Variants in SCNN1B observed in about 807,000 individuals in gnomAD.
The protein encoded by SCNN1B is epithelial sodium channel subunit beta.
In SCNN1B, 46 loss-of-function variants were observed where a neutral mutation model predicts 65.3. The ratio of observed to expected loss-of-function variants is 0.70; its 90% CI spans 0.56 to 0.90. SCNN1B has a LOEUF of 0.90. Ranked by LOEUF, SCNN1B falls within the 40% of genes least tolerant of loss-of-function variation. The pLI is 0.00. For missense variants in SCNN1B, 751 were observed against 830.5 expected (o/e 0.90, Z 1.18); for synonymous variants, 349 against 330.6 (o/e 1.06, Z -0.60).
chr16:23,371,233 G>T, intron 5 of SCNN1B, 66 bp from the exon 6 acceptor site: 2 of 1,573,278 alleles, frequency 1.3e-6, no homozygotes, highest in Non-Finnish European at 8.7e-7. Context: ...TGGAGAAGTG[G>T]GTAGTGGGGT....
At chr16:23,379,592 C>T (rs185606714) in intron 11 of SCNN1B, among the ~76,000 whole-genome samples, 8 of 152,258 alleles carry the variant, frequency 5.3e-5, no homozygotes, top group Admixed American at 2.0e-4. Flanking sequence ...GGAGGGGATG[C>T]CCACACAGCC....
chr16:23,321,578 G>A (rs1351655461), intron 1 of SCNN1B, among the ~76,000 whole-genome samples: 1 of 152,174 alleles, frequency 6.6e-6, no homozygotes, highest in Non-Finnish European at 1.5e-5. Context: ...CTGCTCTCCA[G>A]CAGAGTGACC....
intron 1 of SCNN1B, among the ~76,000 whole-genome samples, chr16:23,342,061 C>T (rs540352163): frequency 1.3e-5 from 2 of 152,306 alleles, no homozygotes; most frequent in South Asian, 4.1e-4. Context: ...ATTATCATAA[C>T]AGCCAAAAAG....
chr16:23,357,825 C>T lies in SCNN1B; in HGVS notation c.776+2336C>T, dbSNP rs371934901. On this transcript the variant is annotated intron_variant, in intron 4 of 12. Coordinates refer to ENST00000343070, the MANE Select transcript of SCNN1B (RefSeq NM_000336.3). ...TGTGTTTCAGCCTCACTGTCTTGGC[C>T]AGGGTCCTTTGCTCAGGGCACACCC... 2.4e-4 allele frequency among the ~76,000 whole-genome samples: 36 copies of T among 152,294 alleles called. 1 individual carries two copies. The East Asian group carries it at 4.1e-3, about 17-fold the overall frequency.
intron 1 of SCNN1B, among the ~76,000 whole-genome samples, chr16:23,281,434 A>G (rs1960782587): frequency 6.6e-6 from 1 of 152,128 alleles, no homozygotes; most frequent in East Asian, 1.9e-4. Context: ...CTCTGTCTCA[A>G]AACAAATAAA....
chr16:23,336,582 G>A (rs181079738), intron 1 of SCNN1B, among the ~76,000 whole-genome samples: 18 of 152,156 alleles, frequency 1.2e-4, no homozygotes, highest in African/African-American at 4.3e-4. Flanking sequence ...ATGTTGGCCA[G>A]GATGGTCTCG....
At chr16:23,340,537 T>A (rs1044623883) in intron 1 of SCNN1B, among the ~76,000 whole-genome samples, 2 of 149,684 alleles carry the variant, frequency 1.3e-5, no homozygotes, top group African/African-American at 2.5e-5. Context: ...TGAAAAAAAT[T>A]ACACTTTTTT....
chr16:23,325,577 AT>A (rs1014008279), intron 1 of SCNN1B, among the ~76,000 whole-genome samples: 20 of 151,346 alleles, frequency 1.3e-4, no homozygotes, highest in Non-Finnish European at 2.7e-4. Context: ...TCTTTTTTGA[AT>A]TTTTTTTTAA....
intron 1 of SCNN1B, among the ~76,000 whole-genome samples, chr16:23,305,748 A>G (rs1254562061): frequency 6.7e-6 from 1 of 150,316 alleles, no homozygotes; most frequent in African/African-American, 2.4e-5. Context: ...CCCTGCCTCA[A>G]AAAAGGAAAA....
At chr16:23,332,607 A>G (rs1961837269) in intron 1 of SCNN1B, among the ~76,000 whole-genome samples, 2 of 152,168 alleles carry the variant, frequency 1.3e-5, no homozygotes, top group South Asian at 4.1e-4. Context: ...CTGGAATTAC[A>G]GGCATGAGCC....
intron 1 of SCNN1B, among the ~76,000 whole-genome samples, chr16:23,313,112 C>T (rs1435044278): frequency 4.0e-5 from 6 of 151,218 alleles, no homozygotes; most frequent in African/African-American, 1.5e-4. Context: ...GTCCAAATTC[C>T]CAGTAGATGC....
chr16:23,280,569 A>T (rs904072551), intron 1 of SCNN1B, among the ~76,000 whole-genome samples: 1 of 152,226 alleles, frequency 6.6e-6, no homozygotes, highest in Non-Finnish European at 1.5e-5. Context: ...AAACAAGCAC[A>T]GAGAGGTTAA....
intron 1 of SCNN1B, among the ~76,000 whole-genome samples, chr16:23,316,699 C>G (rs1406085509): frequency 6.6e-6 from 1 of 150,760 alleles, no homozygotes; most frequent in Non-Finnish European, 1.5e-5. Context: ...TCATCAACAC[C>G]ATCACCATCA....
chr16:23,355,862 G>A (rs1284260954), intron 4 of SCNN1B, among the ~76,000 whole-genome samples: 1 of 152,052 alleles, frequency 6.6e-6, no homozygotes, highest in African/African-American at 2.4e-5. Flanking sequence ...AGGTGGAGAC[G>A]GGAGGATCGC....
At chr16:23,368,333 G>A (rs868365074) in intron 5 of SCNN1B, among the ~76,000 whole-genome samples, 1 of 152,078 alleles carries the variant, frequency 6.6e-6, no homozygotes, top group South Asian at 2.1e-4. Context: ...AAGCCCAAGA[G>A]TTCGAGACCA....
intron 2 of SCNN1B, among the ~76,000 whole-genome samples, chr16:23,289,972 G>A (rs1392740580): frequency 4.6e-5 from 7 of 151,966 alleles, no homozygotes; most frequent in South Asian, 4.1e-4. Flanking sequence ...CACTGCACCC[G>A]ACCCAATATG....
Position 23,380,279 on chromosome 16 carries a change from G to C in SCNN1B, c.1542+110G>C. On this transcript the variant is annotated intron_variant, in intron 12 of 12. Transcript: ENST00000343070. This position sits in a 1 kb window ranked among gnomAD's most constrained non-coding sequence, Gnocchi z 5.4. Reference sequence around the variant, plus strand: ...ATGAAGGAATTAGGAAGATCCCTAAGACAGTCCCAAGTTATTCCCCTGGGC... The same window carrying C: ...ATGAAGGAATTAGGAAGATCCCTAACACAGTCCCAAGTTATTCCCCTGGGC... 5 of 1,499,680 alleles carry C rather than the reference G, an allele frequency of 3.3e-6. No homozygotes were observed. Among genetic ancestry groups the C allele is most frequent in the Non-Finnish European group, 4.6e-6 (5 of 1,077,928 alleles). 92.9% of individuals were successfully genotyped at this position (1,499,680 alleles called of 1,614,324 possible). A position where few individuals can be genotyped will look rare whatever the true frequency, so the allele number is the denominator to read the frequency against.
chr16:23,309,004 G>A (rs549343176), intron 1 of SCNN1B, among the ~76,000 whole-genome samples: 25 of 152,282 alleles, frequency 1.6e-4, no homozygotes, highest in African/African-American at 5.8e-4. Flanking sequence ...TCCTCCAGCC[G>A]TCTGTGTCTG....
rs61759926 is a variant in SCNN1B at position 23,380,643 on chromosome 16, G to A, written c.1765G>A (p.Gly589Ser). 4,086 of 1,613,440 alleles carry A rather than the reference G, an allele frequency of 2.5e-3. 9 individuals are homozygous for A. The highest frequency in any genetic ancestry group is 2.9e-3 in the Non-Finnish European group (3,392 of 1,179,730). Residue 589 changes from glycine (G) to serine (S), a missense_variant, in exon 13 of 13, where the codon GGC (glycine) becomes AGC (serine). By Grantham distance (56) the Gly-to-Ser change is moderately conservative. Coordinates refer to ENST00000343070, the MANE Select transcript of SCNN1B (RefSeq NM_000336.3). The surrounding 1 kb of genome is among the most constrained non-coding windows in gnomAD (Gnocchi z 5.4). ...GCTGGTGGAGGCCCACACCAACTTT[G>A]GCTTCCAGCCTGACACGGCCCCCCG... ...AELVEAHTNF[G>S]FQPDTAPRSP...
Sources: allele counts gnomAD v4.1 joint callset (sites outside exome capture counted in the v4.1 genomes callset), GRCh38; gene constraint gnomAD v4.1.1; non-coding constraint Gnocchi (gnomAD v3.1); transcripts MANE v1.5; gene names NCBI Gene and HGNC (gene_info 2026-07-23, HGNC 2026-07-21).